Variants in IGDCC4 observed in about 807,000 individuals in gnomAD.
IGDCC4 encodes the protein immunoglobulin superfamily DCC subclass member 4, also known as likely ortholog of mouse neighbor of Punc E11.
Under a neutral mutation model 116.6 loss-of-function variants are expected in IGDCC4, and 72 were observed. The observed-to-expected ratio is 0.62, with a 90% CI of 0.51 to 0.75. The LOEUF is 0.75. Among genes scored for constraint, IGDCC4 ranks in the 30% least tolerant of loss-of-function variants. The probability of loss-of-function intolerance (pLI) is 0.00; values close to 1 mark genes in which losing one functional copy is unlikely to be tolerated. For synonymous variants in IGDCC4, 709 were observed against 719.9 expected (o/e 0.98, Z 0.24); for missense variants, 1,501 against 1,662.4 (o/e 0.90, Z 1.69).
At chr15:65,402,039 G>A (rs973202152) in intron 4 of IGDCC4, among the ~76,000 whole-genome samples, 15 of 152,112 alleles carry the variant, frequency 9.9e-5, no homozygotes, top group African/African-American at 2.4e-4. Context: ...CACTGACACC[G>A]CCTCAGATGC....
At chr15:65,413,243 G>A (rs1272107853) in intron 1 of IGDCC4, among the ~76,000 whole-genome samples, 2 of 152,088 alleles carry the variant, frequency 1.3e-5, no homozygotes, top group African/African-American at 4.8e-5. Context: ...GACCCAGCAT[G>A]AGAGGAGGCT....
chr15:65,385,327 G>C (rs1217855378), intron 18 of IGDCC4: 17 of 587,722 alleles, frequency 2.9e-5, no homozygotes, highest in Admixed American at 6.8e-5. Context: ...CAGAGGAGCG[G>C]AACACCAGAC....
At chr15:65,390,106 C>A (rs755358820) in intron 13 of IGDCC4, 49 bp downstream of exon 13, 1 of 1,483,584 alleles carries the variant, frequency 6.7e-7, no homozygotes, top group Non-Finnish European at 9.2e-7. Context: ...CACCACCCCC[C>A]ACCTATTCTT....
intron 16 of IGDCC4, among the ~76,000 whole-genome samples, chr15:65,387,593 C>T (rs938842373): frequency 4.0e-5 from 6 of 151,884 alleles, no homozygotes; most frequent in South Asian, 4.2e-4. Context: ...CATCATGATC[C>T]GCCCGCACCT....
At position 65,389,317 on chromosome 15, in the gene IGDCC4, C is replaced by T. The variant is rs202013326; in HGVS notation, c.2503G>A (p.Gly835Ser). ...SHGVDMDGPF[G>S]SVVERSTLPD... ...AGGGTGGAGCGCTCCACCACAGAGC[C>T]GAAAGGCCCATCCATGTCCACGCCG... The change falls in exon 14 of 20, where the codon GGC becomes AGC. Residue 835 changes from glycine to serine, a missense_variant. Physicochemically the swap from Gly to Ser is moderately conservative, Grantham distance 56. Transcript: ENST00000352385. 3.2e-5 allele frequency: 52 copies of T among 1,614,044 alleles called. 1 individual carries two copies. Among genetic ancestry groups the T allele is most frequent in the African/African-American group, 2.4e-4 (18 of 75,038 alleles).
intron 3 of IGDCC4, 87 bp downstream of exon 3, chr15:65,410,091 C>G: frequency 6.6e-7 from 1 of 1,503,908 alleles, no homozygotes; most frequent in Non-Finnish European, 9.1e-7. Context: ...ATGCAGCTAC[C>G]TCGACTCTAA....
intron 18 of IGDCC4, chr15:65,385,539 A>G: frequency 1.8e-6 from 1 of 558,504 alleles, no homozygotes; most frequent in Non-Finnish European, 3.2e-6. Flanking sequence ...TGGGTCTCAG[A>G]GGTCTCCCCA....
At chr15:65,402,229 C>T in intron 4 of IGDCC4, 122 bp downstream of exon 4, 1 of 1,170,578 alleles carries the variant, frequency 8.5e-7, no homozygotes, top group Non-Finnish European at 1.2e-6. Context: ...CCTCACCAGT[C>T]AATGGGACTA....
In IGDCC4 at chr15:65,384,276, CT is replaced by C. The variant is rs757239484; in HGVS notation, c.3485del (p.Glu1162GlyfsTer58). The C allele has an allele frequency of 3.7e-6, 6 of 1,607,264 alleles. No individual in the cohort carries two copies. Among genetic ancestry groups the C allele is most frequent in the African/African-American group, 1.3e-5 (1 of 74,732 alleles). On this transcript the variant is annotated frameshift_variant, in exon 20 of 20. Transcript: ENST00000352385. LOFTEE classifies it low-confidence loss of function (END_TRUNC). The surrounding 1 kb of genome is among the most constrained non-coding windows in gnomAD (Gnocchi z 4.9). ...DLEPEDPLPP[E>X]APDLISGVGD... ...CAACACCCGAGATGAGATCAGGAGC[CT>C]CTGGAGGCAGGGGGTCCTCAGGCTC... is the stretch of plus-strand genomic sequence containing the variant.
intron 1 of IGDCC4, among the ~76,000 whole-genome samples, chr15:65,415,278 TC>T (rs1235922812): frequency 1.3e-5 from 2 of 152,052 alleles, no homozygotes. Flanking sequence ...GCTTGGAAAA[TC>T]CCCTGCTGCG....
intron 1 of IGDCC4, among the ~76,000 whole-genome samples, chr15:65,422,017 G>C (rs1333135380): frequency 1.3e-5 from 2 of 152,104 alleles, no homozygotes; most frequent in Non-Finnish European, 2.9e-5. Flanking sequence ...TCCCTGGTCG[G>C]TCCCTGGGGG....
chr15:65,383,983 C>T lies in IGDCC4; in HGVS notation c.*26G>A, dbSNP rs1387081094. The T allele has an allele frequency of 1.9e-6, 3 of 1,545,998 alleles. No homozygotes were observed. The highest frequency in any genetic ancestry group is 2.6e-6 in the Non-Finnish European group (3 of 1,141,714). On this transcript the variant is annotated 3_prime_UTR_variant, in exon 20 of 20. Transcript: ENST00000352385. ...ATCCTATGTGATCCATACCTGCCTG[C>T]CCCAAACCACATCCTCTGGGAAGAG... is the stretch of plus-strand genomic sequence containing the variant.
In IGDCC4 at chr15:65,386,544, T is replaced by G. The variant is rs374770294; in HGVS notation, c.2951+7A>C. On this transcript the variant is annotated splice_region_variant and intron_variant, in intron 17 of 19. Coordinates refer to ENST00000352385, the MANE Select transcript of IGDCC4 (RefSeq NM_020962.3). ...TTCCCTGAAGTCAGACTGGCTCCCCTGCTCACCTGTGGGGGCTGCGGCGCA... is the reference window on the plus strand; with the variant it reads ...TTCCCTGAAGTCAGACTGGCTCCCCGGCTCACCTGTGGGGGCTGCGGCGCA... 2.6e-4 allele frequency: 419 copies of G among 1,590,850 alleles called. No individual in the cohort carries two copies. The African/African-American group carries it at 4.4e-3, about 17-fold the overall frequency.
intron 1 of IGDCC4, among the ~76,000 whole-genome samples, chr15:65,418,746 G>T (rs1431160183): frequency 6.6e-6 from 1 of 152,096 alleles, no homozygotes; most frequent in African/African-American, 2.4e-5. Context: ...AAGCCTGCCT[G>T]GTAATGACAT....
chr15:65,389,755 T>C (rs1409551047), intron 13 of IGDCC4, among the ~76,000 whole-genome samples: 1 of 152,228 alleles, frequency 6.6e-6, no homozygotes, highest in Non-Finnish European at 1.5e-5. Flanking sequence ...TTTATGCGAC[T>C]TTCCTCCGCC....
chr15:65,408,317 C>T (rs1211323962), intron 3 of IGDCC4, among the ~76,000 whole-genome samples: 2 of 152,118 alleles, frequency 1.3e-5, no homozygotes, highest in Admixed American at 1.3e-4. Flanking sequence ...AGTAGGCTCT[C>T]GCGTGGTTCT....
intron 4 of IGDCC4, 105 bp downstream of exon 4, chr15:65,402,246 A>G: frequency 1.5e-6 from 2 of 1,312,502 alleles, no homozygotes. Context: ...ACTAACATTT[A>G]TCACCTACTT....
chr15:65,411,087 G>C lies in IGDCC4; in HGVS notation c.354C>G (p.Asn118Lys). 6.2e-7 allele frequency: 1 copy of C among 1,614,218 alleles called. No homozygotes were observed. Among genetic ancestry groups the C allele is most frequent in the Non-Finnish European group, 8.5e-7 (1 of 1,180,042 alleles). ...VPEAVGVIEG[N>K]YSCLAHGPLG... is the part of the protein sequence containing the mutation. ...GGGGGCCGTGGGCTAGGCACGAATAGTTGCCTTCAATGACCCCCACAGCCT... is the reference window on the plus strand; with the variant it reads ...GGGGGCCGTGGGCTAGGCACGAATACTTGCCTTCAATGACCCCCACAGCCT... The change falls in exon 2 of 20, where the codon AAC becomes AAG. Residue 118 changes from asparagine to lysine, a missense_variant. By Grantham distance (94) the Asn-to-Lys change is moderately conservative. Coordinates refer to ENST00000352385, the MANE Select transcript of IGDCC4 (RefSeq NM_020962.3).
In IGDCC4 at chr15:65,388,900, G is replaced by GT; in HGVS notation, c.2614dup (p.Thr872AsnfsTer22). On this transcript the variant is annotated frameshift_variant, in exon 15 of 20. Transcript: ENST00000352385. LOFTEE classifies it high-confidence loss of function. The stretch of plus-strand genomic sequence containing the variant: ...CTCCACGATCTCCCCGTTGGGCTCT[G>GT]TGGGGGGGCACCAGTGCAGCCGAAC... 1 of 1,613,928 alleles carries GT rather than the reference G, an allele frequency of 6.2e-7. No individual in the cohort carries two copies. The highest frequency in any genetic ancestry group is 1.7e-4 in the Middle Eastern group (1 of 6,058).
Sources: gnomAD v4.1 joint callset for allele counts (sites outside exome capture counted in the v4.1 genomes callset) on GRCh38, gnomAD v4.1.1 for gene constraint, Gnocchi (gnomAD v3.1) non-coding constraint, MANE v1.5 for transcripts, NCBI Gene and HGNC (gene_info 2026-07-23, HGNC 2026-07-21) for gene names.